DYRK3: variants seen among roughly 807,000 people sequenced by gnomAD.
DYRK3 encodes the protein dual specificity tyrosine-phosphorylation-regulated kinase 3.
A neutral mutation model predicts 40.8 loss-of-function variants in DYRK3; 30 were observed. The observed-to-expected ratio is 0.74, with a 90% CI of 0.55 to 1.00. The LOEUF (loss-of-function observed/expected upper bound fraction) is 1.00, where lower values mean the gene tolerates loss of function less well. Among genes scored for constraint, DYRK3 ranks in the 50% least tolerant of loss-of-function variants. The pLI, the probability that DYRK3 is intolerant of heterozygous loss-of-function variation, is 0.00. For synonymous variants in DYRK3, 272 were observed against 260.7 expected (o/e 1.04, Z -0.42); for missense variants, 699 against 731.5 (o/e 0.96, Z 0.51).
intron 1 of DYRK3, 144 bp downstream of exon 1, chr1:206,635,924 C>T: frequency 7.6e-7 from 1 of 1,309,754 alleles, no homozygotes; most frequent in South Asian, 2.3e-5. Context: ...CCCGGGACCG[C>T]CCCCACCTCC....
At chr1:206,638,575 CTT>C (rs530299102) in intron 2 of DYRK3, among the ~76,000 whole-genome samples, 32 of 141,010 alleles carry the variant, frequency 2.3e-4, no homozygotes, top group Non-Finnish European at 2.5e-4. Flanking sequence ...TGCTTGGCAG[CTT>C]TTTTTTTTTT....
At chr1:206,637,246 G>C (rs1671142516) in intron 1 of DYRK3, among the ~76,000 whole-genome samples, 2 of 152,228 alleles carry the variant, frequency 1.3e-5, no homozygotes, top group South Asian at 4.1e-4. Context: ...CAGTGTTAGA[G>C]CTGAGATTAG....
rs550269515 is a variant in DYRK3 at position 206,642,856 on chromosome 1, A to G, written c.190-4532A>G. ...GAGTTAATGGGTGTAGCACACCAAC[A>G]TGGCACATGTATACATATGTAACAT... is the stretch of plus-strand genomic sequence containing the variant. On this transcript the variant is annotated intron_variant, in intron 2 of 2. Transcript: ENST00000367109. Among the ~76,000 whole-genome samples, 15 of 152,192 alleles carry G rather than the reference A, an allele frequency of 9.9e-5. No homozygotes were observed. In the East Asian group the frequency reaches 1.9e-3, roughly 20 times the overall value.
At chr1:206,643,801 C>T (rs1403616199) in intron 2 of DYRK3, among the ~76,000 whole-genome samples, 1 of 151,928 alleles carries the variant, frequency 6.6e-6, no homozygotes, top group Non-Finnish European at 1.5e-5. Flanking sequence ...GAGGAAGCCG[C>T]CAGCAAGAGA....
intron 1 of DYRK3, among the ~76,000 whole-genome samples, chr1:206,636,539 G>A (rs1671117204): frequency 6.6e-6 from 1 of 152,192 alleles, no homozygotes; most frequent in Admixed American, 6.5e-5. Context: ...ATCAGAATGT[G>A]AGCATGTTTT....
In DYRK3 at chr1:206,647,944, A is replaced by G; in HGVS notation, c.746A>G (p.Gln249Arg). ...MVRNEKRFHR[Q>R]AAEEIRILEH... ...CGCAATGAGAAGCGCTTTCATCGTC[A>G]AGCAGCTGAGGAGATCCGGATTTTG... Residue 249 changes from glutamine (Q) to arginine (R), a missense_variant, in exon 3 of 3, where the codon CAA (glutamine) becomes CGA (arginine). Gln to Arg is a conservative substitution (Grantham distance 43). Coordinates refer to ENST00000367109, the MANE Select transcript of DYRK3 (RefSeq NM_003582.4). The G allele has an allele frequency of 6.2e-7, 1 of 1,614,174 alleles. No homozygotes were observed. The highest frequency in any genetic ancestry group is 8.5e-7 in the Non-Finnish European group (1 of 1,180,040).
intron 2 of DYRK3, among the ~76,000 whole-genome samples, chr1:206,639,201 T>C (rs996005761): frequency 6.6e-6 from 1 of 151,924 alleles, no homozygotes; most frequent in African/African-American, 2.4e-5. Context: ...TCAACACTAG[T>C]AGTATACAAA....
intron 1 of DYRK3, chr1:206,636,870 T>C: frequency 1.9e-6 from 3 of 1,595,992 alleles, no homozygotes; most frequent in South Asian, 2.2e-5. Context: ...TGTGTTCCCT[T>C]ACAGTGGTGG....
chr1:206,646,664 G>A (rs1041853204), intron 2 of DYRK3, among the ~76,000 whole-genome samples: 25 of 152,212 alleles, frequency 1.6e-4, no homozygotes, highest in Non-Finnish European at 3.4e-4. Flanking sequence ...TGAGCACGTT[G>A]TTGATTCCAG....
chr1:206,637,803 A>G, intron 2 of DYRK3, 42 bp downstream of exon 2: 1 of 1,518,616 alleles, frequency 6.6e-7, no homozygotes, highest in Non-Finnish European at 9.1e-7. Flanking sequence ...ATTGTTTTGG[A>G]AAGGAGGAAG....
intron 1 of DYRK3, chr1:206,635,981 G>C: frequency 7.4e-7 from 1 of 1,346,102 alleles, no homozygotes; most frequent in Non-Finnish European, 9.6e-7. Flanking sequence ...CCGGGCGCGG[G>C]GGACGGGGCT....
chr1:206,644,429 A>C (rs1433462430), intron 2 of DYRK3, among the ~76,000 whole-genome samples: 1 of 152,186 alleles, frequency 6.6e-6, no homozygotes, highest in African/African-American at 2.4e-5. Flanking sequence ...TTAAGCAGTA[A>C]ATATTTAGAT....
intron 2 of DYRK3, among the ~76,000 whole-genome samples, chr1:206,639,350 T>G (rs1671210125): frequency 6.6e-6 from 1 of 152,148 alleles, no homozygotes; most frequent in Non-Finnish European, 1.5e-5. Context: ...ACCATATACA[T>G]CTTGTGTTGC....
In DYRK3 at chr1:206,649,818, C is replaced by T. The variant is rs1174229788; in HGVS notation, c.*853C>T. Among the ~76,000 whole-genome samples, 1 of 152,204 alleles carries T rather than the reference C, an allele frequency of 6.6e-6. No individual in the cohort carries two copies. The highest frequency in any genetic ancestry group is 6.5e-5 in the Admixed American group (1 of 15,286). On this transcript the variant is annotated 3_prime_UTR_variant, in exon 3 of 3. Coordinates refer to ENST00000367109, the MANE Select transcript of DYRK3 (RefSeq NM_003582.4). ...ACTCCACGGACCAGCCTCCTTGCTG[C>T]ATTTTCATAGAATCTCTTCCTTATA... is the stretch of plus-strand genomic sequence containing the variant.
rs1427425262 is a variant in DYRK3, at chr1:206,652,097, A to G, written c.*3132A>G. Among the ~76,000 whole-genome samples, 1 of 152,194 alleles carries G rather than the reference A, an allele frequency of 6.6e-6. No individual in the cohort carries two copies. Among genetic ancestry groups the G allele is most frequent in the Non-Finnish European group, 1.5e-5 (1 of 68,032 alleles). ...AAGCCATGTGTGGGGTGGCGAGCAC[A>G]TCTTTAGGTGGCAGCAAGGCTATAT... On this transcript the variant is annotated 3_prime_UTR_variant, in exon 3 of 3. Transcript: ENST00000367109.
intron 1 of DYRK3, 78 bp from the exon 2 acceptor site, chr1:206,637,572 C>A: frequency 3.2e-6 from 3 of 928,768 alleles, no homozygotes; most frequent in Non-Finnish European, 3.4e-6. Flanking sequence ...TTCCTTGTAG[C>A]AGATATGAAG....
chr1:206,645,601 C>A (rs1358102718), intron 2 of DYRK3, among the ~76,000 whole-genome samples: 1 of 151,960 alleles, frequency 6.6e-6, no homozygotes. Flanking sequence ...GTAGCCTCCA[C>A]TTCCCAGGTT....
chr1:206,643,545 G>T (rs1418514899), intron 2 of DYRK3, among the ~76,000 whole-genome samples: 3 of 152,174 alleles, frequency 2.0e-5, no homozygotes, highest in Non-Finnish European at 4.4e-5. Flanking sequence ...CTTGTCACTG[G>T]TAACTTCAGT....
chr1:206,637,701 T>C lies in DYRK3; in HGVS notation c.129T>C (p.Cys43=). The C allele has an allele frequency of 6.2e-7, 1 of 1,613,956 alleles. No individual in the cohort carries two copies. The highest frequency in any genetic ancestry group is 8.5e-7 in the Non-Finnish European group (1 of 1,179,940). ...TCATGATGATAGATGAAACCAAATG[T>C]CCCCCCTGTTCAAATGTACTCTGCA... is the stretch of plus-strand genomic sequence containing the variant. ...DTFMMIDETK[C]PPCSNVLCNP... is the part of the protein sequence containing the mutation. The change falls in exon 2 of 3, where the codon TGT becomes TGC. Residue 43 remains cysteine, a synonymous_variant. Transcript: ENST00000367109.
Sources: allele counts gnomAD v4.1 joint callset (sites outside exome capture counted in the v4.1 genomes callset), GRCh38; gene constraint gnomAD v4.1.1; transcripts MANE v1.5; gene names NCBI Gene and HGNC (gene_info 2026-07-23, HGNC 2026-07-21).